SLC35F1: variants seen among roughly 807,000 people sequenced by gnomAD.
SLC35F1 encodes the protein chromosome 6 open reading frame 169.
In SLC35F1, 14 loss-of-function variants were observed where a neutral mutation model predicts 48.7. That is an observed-to-expected ratio of 0.29 (90% CI 0.19 to 0.45). The LOEUF is 0.45. Ranked by LOEUF, SLC35F1 falls within the 20% of genes least tolerant of loss-of-function variation. The probability of loss-of-function intolerance (pLI) is 1.00; values close to 1 mark genes in which losing one functional copy is unlikely to be tolerated. For synonymous variants in SLC35F1, 190 were observed against 202.2 expected (o/e 0.94, Z 0.51); for missense variants, 404 against 500.0 (o/e 0.81, Z 1.83).
intron 1 of SLC35F1, among the ~76,000 whole-genome samples, chr6:117,923,817 A>ATGTATATATACATATACACATACATC (rs1775976954): frequency 1.4e-5 from 2 of 145,324 alleles, no homozygotes; most frequent in African/African-American, 5.0e-5. Context: ...ACACATACAT[A>ATGTATATATACATATACACATACATC]TGTATATATA....
At chr6:117,980,358 T>C (rs1776761008) in intron 1 of SLC35F1, among the ~76,000 whole-genome samples, 1 of 152,174 alleles carries the variant, frequency 6.6e-6, no homozygotes, top group African/African-American at 2.4e-5. Flanking sequence ...AGCCTAATTA[T>C]TCCCATTTCA....
chr6:117,993,450 GTTCATTTAAACAAT>G (rs1355206521), intron 1 of SLC35F1, among the ~76,000 whole-genome samples: 10 of 151,944 alleles, frequency 6.6e-5, no homozygotes, highest in African/African-American at 2.4e-4. Context: ...GTAAATATTC[GTTCATTTAAACAAT>G]TAATAGATTT....
chr6:118,159,047 C>G (rs748720808), intron 2 of SLC35F1, among the ~76,000 whole-genome samples: 1 of 151,480 alleles, frequency 6.6e-6, no homozygotes, highest in African/African-American at 2.4e-5. Context: ...GGTGAAACCC[C>G]GTCTCTACTA....
At chr6:118,116,070 C>T (rs1285991707) in intron 1 of SLC35F1, among the ~76,000 whole-genome samples, 1 of 152,158 alleles carries the variant, frequency 6.6e-6, no homozygotes, top group African/African-American at 2.4e-5. Context: ...GAGAGACAAA[C>T]TTGGTGCCTT....
In SLC35F1 at chr6:117,965,822, A is replaced by G. The variant is rs573122603; in HGVS notation, c.173+57923A>G. 5.9e-5 allele frequency among the ~76,000 whole-genome samples: 9 copies of G among 152,308 alleles called. No homozygotes were observed. In the East Asian group the frequency reaches 1.4e-3, roughly 23 times the overall value. On this transcript the variant is annotated intron_variant, in intron 1 of 7. Coordinates refer to ENST00000360388, the MANE Select transcript of SLC35F1 (RefSeq NM_001029858.4). ...TGTCTAGCTAAAGGATTGTAAATGC[A>G]CCAATCAGCACTCTGTGTCTAGCTA...
chr6:117,954,524 G>A (rs1290057211), intron 1 of SLC35F1, among the ~76,000 whole-genome samples: 1 of 152,168 alleles, frequency 6.6e-6, no homozygotes, highest in Non-Finnish European at 1.5e-5. Context: ...CTCCCAAAGT[G>A]CTGAGATTAC....
rs370065729 is a variant in SLC35F1, at chr6:118,072,355, G to A, written c.174-82090G>A. On this transcript the variant is annotated intron_variant, in intron 1 of 7. Transcript: ENST00000360388. ...TGAGGCGGGTGGATCATGAGGTCAG[G>A]AGATCGAGACCATCCTGGCTAACAT... 1.9e-4 allele frequency among the ~76,000 whole-genome samples: 29 copies of A among 152,192 alleles called. No individual in the cohort carries two copies. The East Asian group carries it at 4.1e-3, about 21-fold the overall frequency.
chr6:118,151,716 T>C (rs940217890), intron 1 of SLC35F1, among the ~76,000 whole-genome samples: 5 of 151,996 alleles, frequency 3.3e-5, no homozygotes, highest in South Asian at 4.2e-4. Context: ...GAAGACTCAC[T>C]ATGTTGTCCA....
At chr6:118,152,194 A>C (rs1774070234) in intron 1 of SLC35F1, among the ~76,000 whole-genome samples, 2 of 152,310 alleles carry the variant, frequency 1.3e-5, no homozygotes, top group Admixed American at 1.3e-4. Flanking sequence ...GGCGCAATGA[A>C]CTTTTTGGAA....
chr6:118,202,861 T>A (rs971521451), intron 2 of SLC35F1, among the ~76,000 whole-genome samples: 1 of 152,264 alleles, frequency 6.6e-6, no homozygotes, highest in African/African-American at 2.4e-5. Flanking sequence ...AGATGACATT[T>A]GAGCTGAGAC....
chr6:118,077,573 G>T (rs998883636), intron 1 of SLC35F1, among the ~76,000 whole-genome samples: 1 of 152,138 alleles, frequency 6.6e-6, no homozygotes, highest in Non-Finnish European at 1.5e-5. Context: ...GGGGATTTTA[G>T]TTTACTCATA....
intron 2 of SLC35F1, among the ~76,000 whole-genome samples, chr6:118,207,555 C>T (rs1188393991): frequency 3.3e-5 from 5 of 152,070 alleles, no homozygotes; most frequent in Non-Finnish European, 7.4e-5. Flanking sequence ...AAGTCGTAGA[C>T]ATCAGTATGG....
chr6:118,145,037 G>A (rs980409125), intron 1 of SLC35F1, among the ~76,000 whole-genome samples: 6 of 151,700 alleles, frequency 4.0e-5, no homozygotes, highest in African/African-American at 1.2e-4. Context: ...TTAGTATTTC[G>A]TATACAGATC....
intron 1 of SLC35F1, among the ~76,000 whole-genome samples, chr6:118,129,807 C>T (rs1412152890): frequency 1.3e-5 from 2 of 152,130 alleles, no homozygotes; most frequent in Non-Finnish European, 2.9e-5. Context: ...AGATGATTTA[C>T]ATATAATACA....
At chr6:118,059,870 A>G (rs1336198299) in intron 1 of SLC35F1, among the ~76,000 whole-genome samples, 1 of 152,228 alleles carries the variant, frequency 6.6e-6, no homozygotes, top group African/African-American at 2.4e-5. Context: ...CTACTGATCT[A>G]ATGATACCAT....
At chr6:118,300,329 G>A (rs2114658697) in intron 7 of SLC35F1, among the ~76,000 whole-genome samples, 1 of 152,182 alleles carries the variant, frequency 6.6e-6, no homozygotes, top group African/African-American at 2.4e-5. Flanking sequence ...GTTATATGAG[G>A]GACTTGAGCA....
intron 3 of SLC35F1, among the ~76,000 whole-genome samples, chr6:118,261,868 G>A (rs1177495120): frequency 6.6e-6 from 1 of 152,142 alleles, no homozygotes; most frequent in African/African-American, 2.4e-5. Flanking sequence ...GCCAGCAGTT[G>A]CCCGAAGCCC....
At position 118,314,520 on chromosome 6, in the gene SLC35F1, A is replaced by T. The variant is rs1350378228; in HGVS notation, c.*268A>T. 2.1e-6 allele frequency: 1 copy of T among 467,424 alleles called. No homozygotes were observed. The highest frequency in any genetic ancestry group is 1.9e-5 in the African/African-American group (1 of 52,134). 29.0% of individuals were successfully genotyped at this position (467,424 alleles called of 1,614,324 possible). On this transcript the variant is annotated 3_prime_UTR_variant, in exon 8 of 8. Transcript: ENST00000360388. ...TCATTACTGTGAAAATTTTTGAATC[A>T]AAAGCAAGTATTATTGTTATTATGA...
At chr6:118,140,604 T>G (rs1773874275) in intron 1 of SLC35F1, among the ~76,000 whole-genome samples, 1 of 151,952 alleles carries the variant, frequency 6.6e-6, no homozygotes, top group Non-Finnish European at 1.5e-5. Context: ...TTATATTTTT[T>G]TTTTTGTATA....
Sources: gnomAD v4.1 joint callset for allele counts (sites outside exome capture counted in the v4.1 genomes callset) on GRCh38, gnomAD v4.1.1 for gene constraint, MANE v1.5 for transcripts, NCBI Gene and HGNC (gene_info 2026-07-23, HGNC 2026-07-21) for gene names.